The following GALNTL6 variants were observed in gnomAD, a reference collection of about 807,000 sequenced individuals.
GALNTL6 encodes the protein polypeptide N-acetylgalactosaminyltransferase like 6.
A neutral mutation model predicts 73.7 loss-of-function variants in GALNTL6; 46 were observed. The observed-to-expected ratio is 0.62, with a 90% CI of 0.49 to 0.80. The LOEUF (loss-of-function observed/expected upper bound fraction) is 0.80. Ranked by LOEUF, GALNTL6 falls within the 30% of genes least tolerant of loss-of-function variation. The pLI, the probability that GALNTL6 is intolerant of heterozygous loss-of-function variation, is 0.00. For synonymous variants in GALNTL6, 259 were observed against 263.7 expected (o/e 0.98, Z 0.17); for missense variants, 604 against 755.0 (o/e 0.80, Z 2.34).
chr4:172,454,898 T>A (rs1056557597), intron 5 of GALNTL6, among the ~76,000 whole-genome samples: 3 of 152,152 alleles, frequency 2.0e-5, no homozygotes. Flanking sequence ...CATTTTTTTT[T>A]AAAGATTTTT....
chr4:172,344,339 A>G (rs1741668474), intron 4 of GALNTL6, among the ~76,000 whole-genome samples: 1 of 152,206 alleles, frequency 6.6e-6, no homozygotes, highest in Non-Finnish European at 1.5e-5. Flanking sequence ...CTTGAATCCA[A>G]TGCCTGAGCT....
chr4:172,200,186 T>A (rs1042829135), intron 2 of GALNTL6, among the ~76,000 whole-genome samples: 5 of 152,180 alleles, frequency 3.3e-5, no homozygotes, highest in African/African-American at 1.2e-4. Context: ...AAAGTCTGCT[T>A]GAATTATATC....
intron 3 of GALNTL6, among the ~76,000 whole-genome samples, chr4:172,307,853 C>G (rs957328146): frequency 6.6e-6 from 1 of 151,666 alleles, no homozygotes; most frequent in East Asian, 1.9e-4. Flanking sequence ...TTTTTTAGTT[C>G]CATATGAATT....
chr4:172,229,803 G>A (rs763712685), intron 3 of GALNTL6, 39 bp downstream of exon 3: 51 of 1,213,746 alleles, frequency 4.2e-5, no homozygotes, highest in Admixed American at 5.2e-5. Flanking sequence ...TATTTCACTC[G>A]CAGCAGTGTC....
chr4:171,814,771 C>T (rs1228934370), intron 2 of GALNTL6, 53 bp downstream of exon 2: 2 of 1,578,610 alleles, frequency 1.3e-6, no homozygotes, highest in South Asian at 1.1e-5. Context: ...CAGTGATCCT[C>T]GCGCGGGGAC....
At chr4:172,699,301 C>A (rs1199463404) in intron 5 of GALNTL6, among the ~76,000 whole-genome samples, 1 of 152,100 alleles carries the variant, frequency 6.6e-6, no homozygotes, top group Non-Finnish European at 1.5e-5. Flanking sequence ...ATGTTTCATA[C>A]CTCAGCCAAA....
chr4:172,699,881 C>T (rs903260300), intron 5 of GALNTL6, among the ~76,000 whole-genome samples: 1 of 151,896 alleles, frequency 6.6e-6, no homozygotes, highest in African/African-American at 2.4e-5. Context: ...AAAGGATAGA[C>T]CAAATATCAA....
In GALNTL6 at chr4:172,384,026, A is replaced by G. The variant is rs115190439; in HGVS notation, c.553+35337A>G. ...TTGGTTTGTTAGTATTTTGTTGAGG[A>G]TTTTTATTTGTGTATTTATTAGAGA... is the stretch of plus-strand genomic sequence containing the variant. On this transcript the variant is annotated intron_variant, in intron 5 of 12. Transcript: ENST00000506823. Among the ~76,000 whole-genome samples the G allele has an allele frequency of 7.4e-3, 1,131 of 152,102 alleles. 10 individuals carry two copies. The highest frequency in any genetic ancestry group is 0.026 in the African/African-American group (1,066 of 41,530).
intron 2 of GALNTL6, among the ~76,000 whole-genome samples, chr4:172,201,673 G>A (rs1735962194): frequency 6.6e-6 from 1 of 152,136 alleles, no homozygotes; most frequent in African/African-American, 2.4e-5. Flanking sequence ...TATAGGAGCT[G>A]AAAGATAGAA....
At chr4:172,060,860 A>G (rs774736821) in intron 2 of GALNTL6, among the ~76,000 whole-genome samples, 1 of 152,220 alleles carries the variant, frequency 6.6e-6, no homozygotes, top group Non-Finnish European at 1.5e-5. Context: ...AAGCATTTCA[A>G]GGTCTTCCAG....
intron 2 of GALNTL6, among the ~76,000 whole-genome samples, chr4:171,960,426 T>G (rs887045498): frequency 6.6e-6 from 1 of 151,838 alleles, no homozygotes; most frequent in Non-Finnish European, 1.5e-5. Flanking sequence ...TACAGGCACA[T>G]GCCACCATGC....
chr4:172,013,080 G>A (rs1741072009), intron 2 of GALNTL6, among the ~76,000 whole-genome samples: 2 of 151,980 alleles, frequency 1.3e-5, no homozygotes, highest in Non-Finnish European at 2.9e-5. Flanking sequence ...TTTATGGGAT[G>A]CTGAGTGATA....
intron 9 of GALNTL6, among the ~76,000 whole-genome samples, chr4:172,938,710 A>G (rs1219355262): frequency 3.3e-5 from 5 of 152,146 alleles, no homozygotes; most frequent in Non-Finnish European, 7.4e-5. Context: ...CCTGCTCTTA[A>G]AACTGCAGGG....
intron 2 of GALNTL6, among the ~76,000 whole-genome samples, chr4:172,147,874 T>G (rs1301513025): frequency 1.3e-5 from 2 of 152,114 alleles, no homozygotes; most frequent in African/African-American, 4.8e-5. Flanking sequence ...AGCAGCAATT[T>G]TACTCCATGC....
At chr4:172,175,783 C>T (rs74821069) in intron 2 of GALNTL6, among the ~76,000 whole-genome samples, 1,670 of 152,182 alleles carry the variant, frequency 0.011, 14 homozygotes, top group Middle Eastern at 0.044. Flanking sequence ...TTTTCTATTG[C>T]TTTAACCATA....
rs182528033 is a variant in GALNTL6, at chr4:172,787,259, G to A, written c.554-22102G>A. On this transcript the variant is annotated intron_variant, in intron 5 of 12. Transcript: ENST00000506823. ...TATTTTGAAATTTGGGCTCATTTCC[G>A]GAAACTCATGGTACTGCAATTAATG... Among the ~76,000 whole-genome samples the A allele has an allele frequency of 3.2e-3, 485 of 152,210 alleles. 3 individuals are homozygous for A. The highest frequency in any genetic ancestry group is 0.029 in the Admixed American group (438 of 15,292).
intron 3 of GALNTL6, among the ~76,000 whole-genome samples, chr4:172,264,651 T>C (rs2111043684): frequency 6.8e-6 from 1 of 145,992 alleles, no homozygotes; most frequent in East Asian, 2.0e-4. Context: ...TATATACGTA[T>C]AAGTGTGTAT....
intron 5 of GALNTL6, among the ~76,000 whole-genome samples, chr4:172,578,359 A>G (rs1737041797): frequency 6.6e-6 from 1 of 152,236 alleles, no homozygotes; most frequent in South Asian, 2.1e-4. Flanking sequence ...GTGAGAGCAC[A>G]CGTTCTTCAG....
intron 5 of GALNTL6, among the ~76,000 whole-genome samples, chr4:172,790,335 T>C (rs1383605383): frequency 1.3e-5 from 2 of 152,190 alleles, no homozygotes; most frequent in African/African-American, 4.8e-5. Context: ...GCATTAAGAA[T>C]GTAACTCGGG....
Sources: gnomAD v4.1 joint callset for allele counts (sites outside exome capture counted in the v4.1 genomes callset) on GRCh38, gnomAD v4.1.1 for gene constraint, MANE v1.5 for transcripts, NCBI Gene and HGNC (gene_info 2026-07-23, HGNC 2026-07-21) for gene names.